The following KLHL32 variants were observed in gnomAD, a reference collection of about 807,000 sequenced individuals.
The protein encoded by KLHL32 is kelch-like protein 32.
Under a neutral mutation model 64.8 loss-of-function variants are expected in KLHL32, and 35 were observed. The ratio of observed to expected loss-of-function variants is 0.54; its 90% CI spans 0.41 to 0.72. The LOEUF (loss-of-function observed/expected upper bound fraction) is 0.72. Ranked by LOEUF, KLHL32 falls within the 30% of genes least tolerant of loss-of-function variation. KLHL32 has a pLI of 0.00. For synonymous variants in KLHL32, 259 were observed against 281.0 expected (o/e 0.92, Z 0.78); for missense variants, 589 against 768.5 (o/e 0.77, Z 2.76).
At chr6:97,052,206 C>G (rs2128137270) in intron 4 of KLHL32, among the ~76,000 whole-genome samples, 2 of 152,306 alleles carry the variant, frequency 1.3e-5, no homozygotes, top group Middle Eastern at 6.8e-3. Flanking sequence ...ATGAAGTAGT[C>G]TCCTGTCTGC....
chr6:97,089,590 C>T (rs1388784642), intron 6 of KLHL32, among the ~76,000 whole-genome samples: 1 of 151,958 alleles, frequency 6.6e-6, no homozygotes, highest in Non-Finnish European at 1.5e-5. Flanking sequence ...ACCAGCCTGC[C>T]CAACATAGTG....
At chr6:97,059,164 C>G (rs1788474700) in intron 4 of KLHL32, among the ~76,000 whole-genome samples, 1 of 152,082 alleles carries the variant, frequency 6.6e-6, no homozygotes, top group South Asian at 2.1e-4. Context: ...GAGATCTTGC[C>G]AAGCTTTGTA....
In KLHL32 at chr6:96,943,677, C is replaced by T. The variant is rs116461818; in HGVS notation, c.-66+18651C>T. On this transcript the variant is annotated intron_variant, in intron 1 of 10. Transcript: ENST00000369261. ...TTGCTCTTCTTTGGCTTTGCGGCCC[C>T]TGTAGTGCCTCGCACAAACACATTT... 3.0e-3 allele frequency among the ~76,000 whole-genome samples: 453 copies of T among 152,358 alleles called. 5 individuals carry two copies. Among genetic ancestry groups the T allele is most frequent in the African/African-American group, 0.01 (421 of 41,584 alleles).
rs191678815 is a variant in KLHL32, at chr6:97,140,110, G to A, written c.*828G>A. Reference sequence around the variant, plus strand: ...TTTGAAGTTTAAAAATTACTAGATAGAATTTGGAAACATGTTGTGGAATAA... The same window carrying A: ...TTTGAAGTTTAAAAATTACTAGATAAAATTTGGAAACATGTTGTGGAATAA... On this transcript the variant is annotated 3_prime_UTR_variant, in exon 11 of 11. Transcript: ENST00000369261. 1 of 152,108 alleles carries A rather than the reference G, an allele frequency of 6.6e-6. No homozygotes were observed. Among genetic ancestry groups the A allele is most frequent in the African/African-American group, 2.4e-5 (1 of 41,524 alleles). The allele number at this position is 152,108 out of a possible 1,614,324, so 9.4% of individuals were successfully genotyped here. A position where few individuals can be genotyped will look rare whatever the true frequency, so the allele number is the denominator to read the frequency against.
At chr6:97,070,754 CTT>C in intron 5 of KLHL32, among the ~76,000 whole-genome samples, 1 of 152,082 alleles carries the variant, frequency 6.6e-6, no homozygotes, top group East Asian at 1.9e-4. Flanking sequence ...CATTTTTCTT[CTT>C]AAAAATGAAG....
In KLHL32 at chr6:97,126,652, T is replaced by C. The variant is rs533140366; in HGVS notation, c.1355-752T>C. ...TAGCCCCATGTGACTTATTGAATCC[T>C]TGAAGCATGGCTAATCTGTACTGAG... is the stretch of plus-strand genomic sequence containing the variant. On this transcript the variant is annotated intron_variant, in intron 7 of 10. Transcript: ENST00000369261. Among the ~76,000 whole-genome samples, 3 of 152,300 alleles carry C rather than the reference T, an allele frequency of 2.0e-5. No individual in the cohort carries two copies. The South Asian group carries it at 6.2e-4, about 32-fold the overall frequency.
At chr6:96,989,756 C>T (rs997019463) in intron 3 of KLHL32, among the ~76,000 whole-genome samples, 4 of 152,126 alleles carry the variant, frequency 2.6e-5, no homozygotes, top group African/African-American at 9.7e-5. Flanking sequence ...TACCTGTGGT[C>T]TCTTTACATA....
chr6:96,932,334 C>G (rs918805864), intron 1 of KLHL32, among the ~76,000 whole-genome samples: 2 of 151,100 alleles, frequency 1.3e-5, no homozygotes, highest in African/African-American at 4.9e-5. Flanking sequence ...TAGCTTTGGG[C>G]CAAAGCTATT....
chr6:97,116,172 A>G (rs1015922095), intron 7 of KLHL32, among the ~76,000 whole-genome samples: 14 of 152,236 alleles, frequency 9.2e-5, no homozygotes, highest in Non-Finnish European at 1.6e-4. Flanking sequence ...CAGACAGATG[A>G]AGTGGACCCA....
intron 3 of KLHL32, among the ~76,000 whole-genome samples, chr6:97,031,282 C>CT (rs1186539699): frequency 6.6e-6 from 1 of 152,020 alleles, no homozygotes; most frequent in African/African-American, 2.4e-5. Flanking sequence ...AATAGTTCCC[C>CT]TTTTTTAATC....
At chr6:96,992,605 C>T (rs1303548724) in intron 3 of KLHL32, among the ~76,000 whole-genome samples, 2 of 152,196 alleles carry the variant, frequency 1.3e-5, no homozygotes, top group Admixed American at 6.5e-5. Context: ...CGTATCAATA[C>T]GTGCGCGCAT....
intron 3 of KLHL32, among the ~76,000 whole-genome samples, chr6:96,986,838 G>T (rs183178363): frequency 5.3e-5 from 8 of 152,122 alleles, no homozygotes; most frequent in Non-Finnish European, 5.9e-5. Context: ...ACGATGCCTC[G>T]CCCTGCTTCA....
At chr6:97,117,829 A>T (rs1797960690) in intron 7 of KLHL32, among the ~76,000 whole-genome samples, 1 of 152,190 alleles carries the variant, frequency 6.6e-6, no homozygotes, top group African/African-American at 2.4e-5. Context: ...CTCATCATGA[A>T]GAACAGCTTA....
chr6:97,057,286 C>G lies in KLHL32; in HGVS notation c.313-7342C>G, dbSNP rs1244235131. On this transcript the variant is annotated intron_variant, in intron 4 of 10. Transcript: ENST00000369261. ...GCAAGCTCCGCCTCCCGGGTTCACG[C>G]CATTCTCCTGCCTCAGCCTCCTGTG... 1.9e-5 allele frequency among the ~76,000 whole-genome samples: 2 copies of G among 103,942 alleles called. 1 individual carries two copies. Among genetic ancestry groups the G allele is most frequent in the Non-Finnish European group, 3.7e-5 (2 of 54,664 alleles). 68.2% of individuals were successfully genotyped at this position (103,942 alleles called of 152,430 possible). A position where few individuals can be genotyped will look rare whatever the true frequency, so the allele number is the denominator to read the frequency against.
rs111530082 is a variant in KLHL32, at chr6:97,074,528, C to T, written c.411+9802C>T. 9.0e-3 allele frequency among the ~76,000 whole-genome samples: 1,349 copies of T among 150,304 alleles called. 22 individuals carry two copies. The highest frequency in any genetic ancestry group is 0.03 in the African/African-American group (1,232 of 41,004). ...GAAAATAATGCAAATCTGAAACAAACAAACAAAAAAACCTTCCAGGTCTCA... is the reference window on the plus strand; with the variant it reads ...GAAAATAATGCAAATCTGAAACAAATAAACAAAAAAACCTTCCAGGTCTCA... On this transcript the variant is annotated intron_variant, in intron 5 of 10. Transcript: ENST00000369261.
At chr6:97,027,555 A>C (rs1182803275) in intron 3 of KLHL32, among the ~76,000 whole-genome samples, 1 of 150,782 alleles carries the variant, frequency 6.6e-6, no homozygotes, top group Non-Finnish European at 1.5e-5. Flanking sequence ...ACCAGAGAAA[A>C]TCAACCAAAA....
At chr6:97,127,069 T>C (rs946093318) in intron 7 of KLHL32, among the ~76,000 whole-genome samples, 1 of 152,204 alleles carries the variant, frequency 6.6e-6, no homozygotes, top group Non-Finnish European at 1.5e-5. Context: ...TGGCATAAAC[T>C]GTGTAGAGAT....
rs1314467121 is a variant in KLHL32, at chr6:97,114,049, G to A, written c.894G>A (p.Lys298=). ...SDTLYIIGGK[K]REVCKVKELR... ...CTCTGTATATCATTGGTGGGAAAAA[G>A]CGCGAGGTCTGCAAGGTCAAGGAAC... Residue 298 remains lysine, a synonymous_variant, in exon 7 of 11, where the codon AAG becomes AAA. Transcript: ENST00000369261. The A allele has an allele frequency of 1.9e-6, 3 of 1,614,086 alleles. No individual in the cohort carries two copies. Among genetic ancestry groups the A allele is most frequent in the Non-Finnish European group, 2.5e-6 (3 of 1,180,044 alleles).
intron 6 of KLHL32, among the ~76,000 whole-genome samples, chr6:97,109,795 G>A (rs932173730): frequency 9.2e-5 from 14 of 152,176 alleles, no homozygotes; most frequent in Admixed American, 7.9e-4. Context: ...GCTGTTTCCG[G>A]TAGTATCTAT....
Sources: gnomAD v4.1 joint callset for allele counts (sites outside exome capture counted in the v4.1 genomes callset) on GRCh38, gnomAD v4.1.1 for gene constraint, MANE v1.5 for transcripts, NCBI Gene and HGNC (gene_info 2026-07-23, HGNC 2026-07-21) for gene names.